Variants in MCOLN3 observed in about 807,000 individuals in gnomAD.
MCOLN3 encodes the protein mucolipin TRP cation channel 3.
A neutral mutation model predicts 69.4 loss-of-function variants in MCOLN3; 62 were observed. That is an observed-to-expected ratio of 0.89 (90% CI 0.73 to 1.10). The LOEUF is 1.10. MCOLN3 is among the 50% of genes least tolerant of loss of function. The pLI is 0.00. For missense variants in MCOLN3, 564 were observed against 656.4 expected, an observed-to-expected ratio of 0.86 and a Z score of 1.54; for synonymous variants, 183 against 217.0, an observed-to-expected ratio of 0.84 and a Z score of 1.38.
chr1:85,032,346 G>A (rs543751361), intron 6 of MCOLN3, among the ~76,000 whole-genome samples: 1 of 152,264 alleles, frequency 6.6e-6, no homozygotes, highest in East Asian at 1.9e-4. Flanking sequence ...ACCTTTAGCT[G>A]ACAGCCAGCC....
chr1:85,044,554 C>A (rs1471069051), intron 2 of MCOLN3, among the ~76,000 whole-genome samples: 5 of 152,064 alleles, frequency 3.3e-5, no homozygotes, highest in Non-Finnish European at 5.9e-5. Context: ...CCCTTTCCCC[C>A]AAAAAAATAT....
intron 4 of MCOLN3, among the ~76,000 whole-genome samples, chr1:85,033,873 T>C (rs2102932228): frequency 6.6e-6 from 1 of 152,312 alleles, no homozygotes; most frequent in African/African-American, 2.4e-5. Flanking sequence ...TTTAGTCTTC[T>C]ATAAAAGGGG....
chr1:85,027,822 C>T (rs559233526), intron 7 of MCOLN3, among the ~76,000 whole-genome samples: 4 of 152,152 alleles, frequency 2.6e-5, no homozygotes, highest in East Asian at 3.9e-4. Context: ...GGCCACCATG[C>T]GTGGAGCCAA....
At chr1:85,032,188 A>G (rs11808352) in intron 6 of MCOLN3, among the ~76,000 whole-genome samples, 7,759 of 152,280 alleles carry the variant, frequency 0.051, 230 homozygotes, top group African/African-American at 0.079. Flanking sequence ...GATGGGAGAA[A>G]TGGAAGTACA....
At position 85,032,703 on chromosome 1, in the gene MCOLN3, G is replaced by C; in HGVS notation, c.725C>G (p.Thr242Ser). 10 of 1,612,466 alleles carry C rather than the reference G, an allele frequency of 6.2e-6. No homozygotes were observed. The South Asian group carries it at 9.9e-5, about 16-fold the overall frequency. Residue 242 changes from threonine to serine, a missense_variant, in exon 6 of 13, where the codon ACT becomes AGT. Thr to Ser is a moderately conservative substitution (Grantham distance 58). Transcript: ENST00000370589. The stretch of plus-strand genomic sequence containing the variant: ...AGCCTGGCCCACACTTACAGTCAGA[G>C]TAAAGTCATAACAGTCAGGGAGTTC... ...HQELPDCYDF[T>S]LTITFDNKAH...
In MCOLN3 at chr1:85,032,854, C is replaced by T; in HGVS notation, c.635+18G>A. 1 of 1,614,024 alleles carries T rather than the reference C, an allele frequency of 6.2e-7. No homozygotes were observed. Among genetic ancestry groups the T allele is most frequent in the South Asian group, 1.1e-5 (1 of 91,082 alleles). ...TATACGTGCAAACGTAAGTTACACT[C>T]CTGTCTGCTCCCCTCACCTGTGGAA... On this transcript the variant is annotated intron_variant, in intron 5 of 12. Transcript: ENST00000370589.
Position 85,021,164 on chromosome 1 carries a change from C to T in MCOLN3, c.1433G>A (p.Ser478Asn), listed in dbSNP as rs1260284006. The change falls in exon 12 of 13, where the codon AGT becomes AAT. Residue 478 changes from serine to asparagine, a missense_variant. By Grantham distance (46) the Ser-to-Asn change is conservative (BLOSUM62 1). Coordinates refer to ENST00000370589, the MANE Select transcript of MCOLN3 (RefSeq NM_018298.11). ...GATGAATGAGTAGAGGTAAATTCTA[C>T]TAAACAGCCAGACTAAGTAACTTTT... Reference protein sequence around the residue: ...QQKSYLVWLFSRIYLYSFISL... With the variant: ...QQKSYLVWLFNRIYLYSFISL... The T allele has an allele frequency of 1.2e-6, 2 of 1,613,390 alleles. No homozygotes were observed. Among genetic ancestry groups the T allele is most frequent in the Non-Finnish European group, 1.7e-6 (2 of 1,179,646 alleles).
Position 85,022,185 on chromosome 1 carries a change from A to T in MCOLN3, c.1205T>A (p.Ile402Asn), listed in dbSNP as rs763563540. ...GGGCAGCGCTGCCTGAAGGGTCAAA[A>T]TGAGGAGCTGGGAAAGTAAGAGAGG... ...LGFFAKYNLL[I>N]LTLQAALPNV... The change falls in exon 11 of 13, where the codon ATT (isoleucine) becomes AAT (asparagine). Residue 402 changes from isoleucine to asparagine, a missense_variant. Ile to Asn is a moderately radical substitution (Grantham distance 149, BLOSUM62 -3). Transcript: ENST00000370589. The T allele has an allele frequency of 3.1e-6, 5 of 1,614,046 alleles. No individual in the cohort carries two copies. The Admixed American group carries it at 6.7e-5, about 22-fold the overall frequency.
chr1:85,027,659 T>A (rs1652288939), intron 7 of MCOLN3, among the ~76,000 whole-genome samples: 1 of 152,014 alleles, frequency 6.6e-6, no homozygotes, highest in Non-Finnish European at 1.5e-5. Context: ...ATGAGGGAGG[T>A]TAGTGTCGGG....
chr1:85,027,855 T>C (rs1652302504), intron 7 of MCOLN3, among the ~76,000 whole-genome samples: 1 of 152,146 alleles, frequency 6.6e-6, no homozygotes, highest in Non-Finnish European at 1.5e-5. Flanking sequence ...GGCAGAGGTG[T>C]CAGCCATTGT....
intron 7 of MCOLN3, 53 bp from the exon 8 acceptor site, chr1:85,026,337 G>T: frequency 8.7e-7 from 1 of 1,151,424 alleles, no homozygotes; most frequent in South Asian, 1.3e-5. Flanking sequence ...TTAATATGGT[G>T]ACATCTTCTT....
At chr1:85,033,707 AC>A (rs1207884956) in intron 4 of MCOLN3, among the ~76,000 whole-genome samples, 3 of 152,134 alleles carry the variant, frequency 2.0e-5, no homozygotes, top group African/African-American at 7.2e-5. Context: ...ATAATGTTTT[AC>A]AAACATTATA....
chr1:85,024,007 C>G (rs1462444377), intron 9 of MCOLN3, among the ~76,000 whole-genome samples: 1 of 152,000 alleles, frequency 6.6e-6, no homozygotes, highest in African/African-American at 2.4e-5. Flanking sequence ...CTTGGAGTGG[C>G]AGGGCAGCCT....
rs761844662 is a variant in MCOLN3 at position 85,041,032 on chromosome 1, T to A, written c.374A>T (p.Gln125Leu). Reference protein sequence around the residue: ...AVYTQSDVYDQLIFAVNQYLQ... With the variant: ...AVYTQSDVYDLLIFAVNQYLQ... ...TACCTGGTTTACTGCGAAGATTAAC[T>A]GATCATACACGTCACTTTGTGTGTA... Residue 125 changes from glutamine (Q) to leucine (L), a missense_variant, in exon 3 of 13, where the codon CAG becomes CTG. Gln to Leu is a moderately radical substitution (Grantham distance 113). Transcript: ENST00000370589. 6.2e-7 allele frequency: 1 copy of A among 1,613,604 alleles called. No individual in the cohort carries two copies.
intron 6 of MCOLN3, 22 bp from the exon 7 acceptor site, chr1:85,029,227 CAA>C: frequency 7.0e-7 from 1 of 1,422,980 alleles, no homozygotes; most frequent in Non-Finnish European, 9.9e-7. Context: ...GGAAAACAGT[CAA>C]AAACATACTT....
At chr1:85,037,810 A>G (rs754853457) in intron 3 of MCOLN3, among the ~76,000 whole-genome samples, 11 of 152,346 alleles carry the variant, frequency 7.2e-5, no homozygotes, top group Admixed American at 6.5e-5. Flanking sequence ...GACGGCACAG[A>G]GCAGCCAAGT....
chr1:85,032,885 G>C lies in MCOLN3; in HGVS notation c.622C>G (p.Leu208Val). The change falls in exon 5 of 13, where the codon CTG becomes GTG. Residue 208 changes from leucine (L) to valine (V), a missense_variant. Leu to Val is a conservative substitution (Grantham distance 32, BLOSUM62 1). Coordinates refer to ENST00000370589, the MANE Select transcript of MCOLN3 (RefSeq NM_018298.11). ...TPAENKLNLT[L>V]DFHRLLTVEL... is the part of the protein sequence containing the mutation. ...TGCTCCCCTCACCTGTGGAAGTCCAGTGTTAAGTTCAGTTTATTTTCTGCT... is the reference window on the plus strand; with the variant it reads ...TGCTCCCCTCACCTGTGGAAGTCCACTGTTAAGTTCAGTTTATTTTCTGCT... The C allele has an allele frequency of 1.9e-6, 3 of 1,614,196 alleles. No individual in the cohort carries two copies. The highest frequency in any genetic ancestry group is 8.5e-7 in the Non-Finnish European group (1 of 1,180,026).
intron 11 of MCOLN3, 82 bp from the exon 12 acceptor site, chr1:85,021,358 A>G: frequency 8.6e-7 from 1 of 1,161,196 alleles, no homozygotes; most frequent in Non-Finnish European, 1.2e-6. Context: ...TGTATTAAAC[A>G]TAAAGGGACC....
At chr1:85,027,787 T>C (rs1473068062) in intron 7 of MCOLN3, among the ~76,000 whole-genome samples, 3 of 152,140 alleles carry the variant, frequency 2.0e-5, no homozygotes, top group Non-Finnish European at 4.4e-5. Context: ...ATGGAGATTT[T>C]GGAGAATCGA....
Sources: gnomAD v4.1 joint callset for allele counts (sites outside exome capture counted in the v4.1 genomes callset) on GRCh38, gnomAD v4.1.1 for gene constraint, MANE v1.5 for transcripts, NCBI Gene and HGNC (gene_info 2026-07-23, HGNC 2026-07-21) for gene names.